Variants in PRRC2B observed in about 807,000 individuals in gnomAD.
PRRC2B encodes the protein protein PRRC2B.
PRRC2B carries 68 observed loss-of-function variants against 242.3 expected under a neutral mutation model. The observed-to-expected ratio is 0.28, with a 90% CI of 0.23 to 0.34. The LOEUF (loss-of-function observed/expected upper bound fraction) is 0.34. Ranked by LOEUF, PRRC2B falls within the 10% of genes least tolerant of loss-of-function variation. The probability of loss-of-function intolerance (pLI) is 1.00; values close to 1 mark genes in which losing one functional copy is unlikely to be tolerated. For missense variants in PRRC2B, 2,835 were observed against 2,954.8 expected (o/e 0.96, Z 0.94); for synonymous variants, 1,228 against 1,173.6 (o/e 1.05, Z -0.95).
At position 131,492,364 on chromosome 9, in the gene PRRC2B, C is replaced by T. The variant is rs1944220598; in HGVS notation, c.6473+104C>T. ...TGGGCCCAGGGAGAGCCGCCAGAGA[C>T]CTGGTCCCTCTATGGGCCATGTGTC... On this transcript the variant is annotated intron_variant, in intron 30 of 31. Coordinates refer to ENST00000683519, the MANE Select transcript of PRRC2B (RefSeq NM_013318.4). 4 of 845,958 alleles carry T rather than the reference C, an allele frequency of 4.7e-6. No homozygotes were observed. In the East Asian group the frequency reaches 1.0e-4, roughly 21 times the overall value. The allele number at this position is 845,958 out of a possible 1,614,324, so 52.4% of individuals were successfully genotyped here. A position where few individuals can be genotyped will look rare whatever the true frequency, so the allele number is the denominator to read the frequency against.
At chr9:131,457,398 G>C (rs1205953597) in intron 10 of PRRC2B, among the ~76,000 whole-genome samples, 1 of 152,186 alleles carries the variant, frequency 6.6e-6, no homozygotes, top group East Asian at 1.9e-4. Context: ...TGAAGGAACT[G>C]GACATTGGTT....
In PRRC2B at chr9:131,477,907, G is replaced by A. The variant is rs780577048; in HGVS notation, c.4570G>A (p.Glu1524Lys). Residue 1524 changes from glutamate (E) to lysine (K), a missense_variant, in exon 17 of 32, where the codon GAA (glutamate) becomes AAA (lysine). Transcript: ENST00000683519. ...EAKLAAPRAG[E>K]QGEAMKQFDL... ...CAAGTTGGCTGCTCCGAGGGCAGGT[G>A]AACAGGGAGAGGCCATGAAACAGTT... 1 of 1,614,040 alleles carries A rather than the reference G, an allele frequency of 6.2e-7. No individual in the cohort carries two copies. Among genetic ancestry groups the A allele is most frequent in the African/African-American group, 1.3e-5 (1 of 75,058 alleles).
rs1442052465 is a variant in PRRC2B at position 131,499,805 on chromosome 9, G to T, written c.*3931G>T. The stretch of plus-strand genomic sequence containing the variant: ...CGCCTTTCTCCCGTGATCTAAAGGG[G>T]ACACTGTACTCAAGCTTTTGACCTC... On this transcript the variant is annotated 3_prime_UTR_variant, in exon 32 of 32. Transcript: ENST00000683519. The T allele has an allele frequency of 6.6e-6, 1 of 152,238 alleles. No individual in the cohort carries two copies. The highest frequency in any genetic ancestry group is 1.5e-5 in the Non-Finnish European group (1 of 68,048). The allele number at this position is 152,238 out of a possible 1,614,324, so 9.4% of individuals were successfully genotyped here.
Position 131,498,692 on chromosome 9 carries a change from C to T in PRRC2B, c.*2818C>T, listed in dbSNP as rs961530924. On this transcript the variant is annotated 3_prime_UTR_variant, in exon 32 of 32. Transcript: ENST00000683519. ...TAGTGGGAACAGGTGGAGACCAGCA[C>T]TTCCCTTTCCTGCTGCTGAGGTAGG... The T allele has an allele frequency of 6.6e-6, 1 of 152,232 alleles. No homozygotes were observed. The highest frequency in any genetic ancestry group is 1.5e-5 in the Non-Finnish European group (1 of 68,056). The allele number at this position is 152,232 out of a possible 1,614,324, so 9.4% of individuals were successfully genotyped here.
At chr9:131,399,051 G>T (rs189826936) in intron 1 of PRRC2B, among the ~76,000 whole-genome samples, 463 of 151,956 alleles carry the variant, frequency 3.0e-3, no homozygotes, top group Non-Finnish European at 4.5e-3. Context: ...CGAGGTGGGC[G>T]GATCACCTGA....
chr9:131,420,464 T>TTCCTTCCTTCCTTCCTTC (rs1564278498), intron 1 of PRRC2B, among the ~76,000 whole-genome samples: 1 of 8,938 alleles, frequency 1.1e-4, no homozygotes, highest in African/African-American at 2.1e-4. Flanking sequence ...TTTCTTTCTT[T>TTCCTTCCTTCCTTCCTTC]CTTTCTTTCT....
At chr9:131,402,963 A>C (rs186791630) in intron 1 of PRRC2B, among the ~76,000 whole-genome samples, 5 of 152,182 alleles carry the variant, frequency 3.3e-5, no homozygotes, top group Admixed American at 2.6e-4. Context: ...ACTTCCCGAC[A>C]CGCTTCAGGA....
intron 10 of PRRC2B, 32 bp from the exon 11 acceptor site, chr9:131,459,132 A>G (rs1943167790): frequency 1.2e-6 from 2 of 1,601,294 alleles, no homozygotes; most frequent in African/African-American, 2.7e-5. Context: ...GCCTGAGTGC[A>G]AAAACTTAAC....
intron 1 of PRRC2B, among the ~76,000 whole-genome samples, chr9:131,375,256 G>A (rs1028738720): frequency 4.1e-4 from 62 of 151,968 alleles, no homozygotes; most frequent in Admixed American, 2.6e-4. Flanking sequence ...AAAATTAGCC[G>A]GGCATGGTGG....
Position 131,476,043 on chromosome 9 carries a change from C to A in PRRC2B, c.3914C>A (p.Pro1305Gln), listed in dbSNP as rs887859632. 13 of 1,605,998 alleles carry A rather than the reference C, an allele frequency of 8.1e-6. No individual in the cohort carries two copies. Among genetic ancestry groups the A allele is most frequent in the Non-Finnish European group, 1.1e-5 (13 of 1,174,732 alleles). ...ENRPFRRRRP[P>Q]RQDKPPRFRR... ...CGGCCCTTCAGGAGAAGGCGCCCCC[C>A]ACGCCAAGATAAGCCCCCTCGATTC... is the stretch of plus-strand genomic sequence containing the variant. The change falls in exon 16 of 32, where the codon CCA (proline) becomes CAA (glutamine). Residue 1305 changes from proline (P) to glutamine (Q), a missense_variant. By Grantham distance (76) the Pro-to-Gln change is moderately conservative. Around this residue, in one of 7 missense-constraint regions of PRRC2B, gnomAD observed 1,536 missense variants for 1,483.1 expected, o/e 1.04. Transcript: ENST00000683519.
At chr9:131,395,181 G>C (rs1368299470) in intron 1 of PRRC2B, among the ~76,000 whole-genome samples, 1 of 152,156 alleles carries the variant, frequency 6.6e-6, no homozygotes, top group Non-Finnish European at 1.5e-5. Context: ...TGGGAGAAGG[G>C]GGGCTGGGGA....
chr9:131,446,454 C>G lies in PRRC2B; in HGVS notation c.667C>G (p.Leu223Val). 1 of 1,613,894 alleles carries G rather than the reference C, an allele frequency of 6.2e-7. No homozygotes were observed. The highest frequency in any genetic ancestry group is 8.5e-7 in the Non-Finnish European group (1 of 1,179,874). ...GCGACACATAATTTCTGCCACGTCT[C>G]TGAGCACCTCCCCAACTGAGCTGGG... Reference protein sequence around the residue: ...GGRHIISATSLSTSPTELGSR... With the variant: ...GGRHIISATSVSTSPTELGSR... Residue 223 changes from leucine to valine, a missense_variant, in exon 7 of 32, where the codon CTG becomes GTG. Around this residue, in one of 7 missense-constraint regions of PRRC2B, gnomAD observed 626 missense variants for 685.5 expected, o/e 0.91. Transcript: ENST00000683519. The surrounding 1 kb of genome is among the most constrained non-coding windows in gnomAD (Gnocchi z 4.1).
At chr9:131,479,427 C>T in intron 19 of PRRC2B, 34 bp downstream of exon 19, 1 of 1,601,708 alleles carries the variant, frequency 6.2e-7, no homozygotes, top group Non-Finnish European at 8.5e-7. Flanking sequence ...AGCTGTGGCA[C>T]CCAAGGTCAC....
Position 131,496,542 on chromosome 9 carries a change from T to A in PRRC2B, c.*668T>A, listed in dbSNP as rs1187977797. The A allele has an allele frequency of 1.3e-5, 2 of 149,474 alleles. No individual in the cohort carries two copies. Among genetic ancestry groups the A allele is most frequent in the Non-Finnish European group, 3.0e-5 (2 of 67,642 alleles). 9.3% of individuals were successfully genotyped at this position (149,474 alleles called of 1,614,324 possible). A position where few individuals can be genotyped will look rare whatever the true frequency, so the allele number is the denominator to read the frequency against. On this transcript the variant is annotated 3_prime_UTR_variant, in exon 32 of 32. Transcript: ENST00000683519. ...ATTTGCAAAAAGAAAAGGAGGTTCTTGAGGGCACCGATTGCGAGCATTCTG... is the reference window on the plus strand; with the variant it reads ...ATTTGCAAAAAGAAAAGGAGGTTCTAGAGGGCACCGATTGCGAGCATTCTG...
upstream of PRRC2B, among the ~76,000 whole-genome samples, chr9:131,389,254 C>T (rs148293891): frequency 1.9e-3 from 276 of 148,014 alleles, 8 homozygotes; most frequent in African/African-American, 6.4e-3. Context: ...CCTGGTGAAT[C>T]AAGCGATTCT....
chr9:131,440,832 C>CTAGACA (rs1400939664), intron 5 of PRRC2B, among the ~76,000 whole-genome samples: 1 of 5,166 alleles, frequency 1.9e-4, no homozygotes, highest in Non-Finnish European at 7.3e-4. Context: ...GGGGTGAGGG[C>CTAGACA]TGGACACCTG....
chr9:131,455,046 CATTCTTCCTG>C lies in PRRC2B; in HGVS notation c.1121-29_1121-20del. The C allele has an allele frequency of 6.4e-7, 1 of 1,565,298 alleles. No individual in the cohort carries two copies. Among genetic ancestry groups the C allele is most frequent in the African/African-American group, 1.3e-5 (1 of 74,158 alleles). On this transcript the variant is annotated intron_variant, in intron 9 of 31. Coordinates refer to ENST00000683519, the MANE Select transcript of PRRC2B (RefSeq NM_013318.4). ...CACCACTGACTTTTTCATTCTTTCT[CATTCTTCCTG>C]GGCCCTCCTGCTGTTGTAGGCCTCC...
Position 131,478,535 on chromosome 9 carries a change from G to A in PRRC2B, c.4674G>A (p.Val1558=). The change falls in exon 18 of 32, where the codon GTG becomes GTA. Residue 1558 remains valine (V), a synonymous_variant. Coordinates refer to ENST00000683519, the MANE Select transcript of PRRC2B (RefSeq NM_013318.4). ...AGGAGAGTGAGGTGGGTTCTATGGTGGGCGAAGGCTTCATCGAAGTCCTGA... is the reference window on the plus strand; with the variant it reads ...AGGAGAGTGAGGTGGGTTCTATGGTAGGCGAAGGCTTCATCGAAGTCCTGA... ...PGEESEVGSM[V]GEGFIEVLTK... is the part of the protein sequence containing the mutation. 1 of 1,613,344 alleles carries A rather than the reference G, an allele frequency of 6.2e-7. No individual in the cohort carries two copies. Among genetic ancestry groups the A allele is most frequent in the Non-Finnish European group, 8.5e-7 (1 of 1,179,506 alleles).
intron 6 of PRRC2B, among the ~76,000 whole-genome samples, chr9:131,444,632 A>C (rs1019583345): frequency 2.0e-5 from 3 of 152,146 alleles, no homozygotes; most frequent in Non-Finnish European, 4.4e-5. Flanking sequence ...CAATTAACTT[A>C]GGTCCCCGGT....
Sources: allele counts gnomAD v4.1 joint callset (sites outside exome capture counted in the v4.1 genomes callset), GRCh38; gene constraint gnomAD v4.1.1; regional missense constraint gnomAD v4.1.1; non-coding constraint Gnocchi (gnomAD v3.1); transcripts MANE v1.5; gene names NCBI Gene and HGNC (gene_info 2026-07-23, HGNC 2026-07-21).